The following PPP3R1 variants were observed in gnomAD, a reference collection of about 807,000 sequenced individuals.
PPP3R1 encodes the protein calcineurin subunit B type 1.
Under a neutral mutation model 22.6 loss-of-function variants are expected in PPP3R1, and 5 were observed. That is an observed-to-expected ratio of 0.22 (90% confidence interval 0.12 to 0.46). PPP3R1 has a LOEUF of 0.46. Among genes scored for constraint, PPP3R1 ranks in the 20% least tolerant of loss-of-function variants. PPP3R1 has a pLI of 0.99. For missense variants in PPP3R1, 61 were observed against 203.2 expected (o/e 0.30, Z 4.25); for synonymous variants, 56 against 65.2 (o/e 0.86, Z 0.68).
intron 1 of PPP3R1, among the ~76,000 whole-genome samples, chr2:68,231,162 C>T (rs1239104586): frequency 6.6e-6 from 1 of 152,082 alleles, no homozygotes; most frequent in Non-Finnish European, 1.5e-5. Flanking sequence ...TGAGGCTCTG[C>T]ACATTTTTTT....
At chr2:68,222,454 G>A (rs1669702320) in intron 1 of PPP3R1, among the ~76,000 whole-genome samples, 1 of 152,160 alleles carries the variant, frequency 6.6e-6, no homozygotes, top group Admixed American at 6.5e-5. Flanking sequence ...CATCTGAACT[G>A]GTGAACTAAG....
At chr2:68,190,286 C>A (rs952551995) in intron 2 of PPP3R1, among the ~76,000 whole-genome samples, 1 of 142,472 alleles carries the variant, frequency 7.0e-6, no homozygotes, top group East Asian at 2.0e-4. Flanking sequence ...AAAAAAAGGC[C>A]GGGTGCAGTG....
chr2:68,246,781 TTC>T (rs1468026520), intron 1 of PPP3R1, among the ~76,000 whole-genome samples: 3 of 152,122 alleles, frequency 2.0e-5, no homozygotes, highest in Non-Finnish European at 4.4e-5. Context: ...TCATTTTATA[TTC>T]TCTCTACACA....
Position 68,199,402 on chromosome 2 carries a change from T to A in PPP3R1, c.44-10712A>T, listed in dbSNP as rs1674910163. 2.6e-5 allele frequency among the ~76,000 whole-genome samples: 4 copies of A among 152,250 alleles called. No homozygotes were observed. The South Asian group carries it at 8.3e-4, about 31-fold the overall frequency. ...GCTATATATATAAAACCATGTCATCTGGGAATAAAAACAATTTTACTCCTT... is the reference window on the plus strand; with the variant it reads ...GCTATATATATAAAACCATGTCATCAGGGAATAAAAACAATTTTACTCCTT... On this transcript the variant is annotated intron_variant, in intron 2 of 5. Coordinates refer to ENST00000234310, the MANE Select transcript of PPP3R1 (RefSeq NM_000945.4).
Position 68,180,863 on chromosome 2 carries a change from C to T in PPP3R1, c.*100G>A. 8.1e-7 allele frequency: 1 copy of T among 1,234,962 alleles called. No individual in the cohort carries two copies. Among genetic ancestry groups the T allele is most frequent in the Non-Finnish European group, 1.2e-6 (1 of 866,796 alleles). 76.5% of individuals were successfully genotyped at this position (1,234,962 alleles called of 1,614,324 possible). A position where few individuals can be genotyped will look rare whatever the true frequency, so the allele number is the denominator to read the frequency against. ...AAATGTGGCTTCACAGAGAAAAATA[C>T]TTCCATTTAAATACACAGAGAGCAT... On this transcript the variant is annotated 3_prime_UTR_variant, in exon 6 of 6. Transcript: ENST00000234310.
chr2:68,181,111 T>C (rs1674390510), intron 5 of PPP3R1, 101 bp from the exon 6 acceptor site: 7 of 1,137,624 alleles, frequency 6.2e-6, no homozygotes, highest in Non-Finnish European at 9.0e-6. Flanking sequence ...ACTAGGGGGC[T>C]GGGCGTGGTG....
intron 1 of PPP3R1, among the ~76,000 whole-genome samples, chr2:68,250,689 A>G (rs1372133291): frequency 6.6e-6 from 1 of 152,240 alleles, no homozygotes; most frequent in African/African-American, 2.4e-5. Flanking sequence ...CTGCCTCGCA[A>G]GTTGGCAAGG....
At chr2:68,234,410 T>C (rs72896413) in intron 1 of PPP3R1, among the ~76,000 whole-genome samples, 5,147 of 151,968 alleles carry the variant, frequency 0.034, 259 homozygotes, top group African/African-American at 0.11. Flanking sequence ...GAGACCAAAT[T>C]TGAACTCAAG....
intron 3 of PPP3R1, among the ~76,000 whole-genome samples, chr2:68,187,872 C>CA (rs35444760): frequency 2.1e-4 from 32 of 150,132 alleles, no homozygotes; most frequent in South Asian, 4.2e-4. Flanking sequence ...TTAAAACAAA[C>CA]AAAAAAAAAA....
At chr2:68,225,875 C>T (rs913426178) in intron 1 of PPP3R1, among the ~76,000 whole-genome samples, 4 of 152,202 alleles carry the variant, frequency 2.6e-5, no homozygotes, top group African/African-American at 9.6e-5. Flanking sequence ...GAAATCTGTA[C>T]TCACATGTCC....
At chr2:68,219,020 T>C (rs1669633583) in intron 1 of PPP3R1, among the ~76,000 whole-genome samples, 4 of 152,126 alleles carry the variant, frequency 2.6e-5, no homozygotes, top group Non-Finnish European at 5.9e-5. Flanking sequence ...AATGCATATA[T>C]CCAAAACACT....
At chr2:68,249,731 A>G (rs1558646901) in intron 1 of PPP3R1, among the ~76,000 whole-genome samples, 1 of 151,496 alleles carries the variant, frequency 6.6e-6, no homozygotes, top group Non-Finnish European at 1.5e-5. Context: ...ACTTTCAGGA[A>G]AAAAAAAAAT....
intron 1 of PPP3R1, among the ~76,000 whole-genome samples, chr2:68,242,334 G>C (rs1008070282): frequency 1.3e-5 from 2 of 152,016 alleles, no homozygotes; most frequent in Admixed American, 6.6e-5. Flanking sequence ...GCTGAGGCAG[G>C]GGAATTGCTT....
chr2:68,211,811 C>T (rs936889686), intron 2 of PPP3R1, among the ~76,000 whole-genome samples: 2 of 152,186 alleles, frequency 1.3e-5, no homozygotes, highest in Admixed American at 1.3e-4. Context: ...TCTTTACTCA[C>T]CCATAAAAAG....
At chr2:68,244,341 C>G (rs1024528269) in intron 1 of PPP3R1, among the ~76,000 whole-genome samples, 3 of 152,140 alleles carry the variant, frequency 2.0e-5, no homozygotes, top group African/African-American at 7.2e-5. Context: ...TGTTAACTGC[C>G]TAACAATTCC....
In PPP3R1 at chr2:68,217,074, A is replaced by G; in HGVS notation, c.43+18T>C. Reference sequence around the variant, plus strand: ...TGAGTGAATAAAAGTAACTTTTGGTAACAAGAATATGACTTACAGTGTGAG... The same window carrying G: ...TGAGTGAATAAAAGTAACTTTTGGTGACAAGAATATGACTTACAGTGTGAG... On this transcript the variant is annotated intron_variant, in intron 2 of 5. Coordinates refer to ENST00000234310, the MANE Select transcript of PPP3R1 (RefSeq NM_000945.4). The G allele has an allele frequency of 6.4e-7, 1 of 1,561,740 alleles. No homozygotes were observed.
In PPP3R1 at chr2:68,229,920, ATATATATGTGTGTGTATGTGTG is replaced by A. The variant is rs1391425277; in HGVS notation, c.4-12811_4-12790del. ...TATACGGGTGTGTGTGTATATGTGTATATATATGTGTGTGTATGTGTGTATATATGTGTGTGTGTATATATAC... is the reference window on the plus strand; with the variant it reads ...TATACGGGTGTGTGTGTATATGTGTATATATATGTGTGTGTGTATATATAC... On this transcript the variant is annotated intron_variant, in intron 1 of 5. Transcript: ENST00000234310. 2.4e-3 allele frequency among the ~76,000 whole-genome samples: 359 copies of A among 150,224 alleles called. 2 individuals carry two copies. Among genetic ancestry groups the A allele is most frequent in the African/African-American group, 8.2e-3 (334 of 40,716 alleles).
At chr2:68,223,683 A>G (rs1397048348) in intron 1 of PPP3R1, among the ~76,000 whole-genome samples, 1 of 152,146 alleles carries the variant, frequency 6.6e-6, no homozygotes, top group Non-Finnish European at 1.5e-5. Context: ...TCAGCAAACT[A>G]GGACTATTTC....
chr2:68,200,500 T>C (rs1033391064), intron 2 of PPP3R1, among the ~76,000 whole-genome samples: 4 of 152,150 alleles, frequency 2.6e-5, no homozygotes, highest in South Asian at 2.1e-4. Flanking sequence ...AAATCTAGCA[T>C]AGAAAAGCCA....
Sources: allele counts gnomAD v4.1 joint callset (sites outside exome capture counted in the v4.1 genomes callset), GRCh38; gene constraint gnomAD v4.1.1; transcripts MANE v1.5; gene names NCBI Gene and HGNC (gene_info 2026-07-23, HGNC 2026-07-21).